The following VSTM4 variants were observed in gnomAD, a reference collection of about 807,000 sequenced individuals.
VSTM4 encodes the protein V-set and transmembrane domain-containing protein 4.
A neutral mutation model predicts 36.4 loss-of-function variants in VSTM4; 20 were observed. The observed-to-expected ratio is 0.55, with a 90% CI of 0.39 to 0.80. The LOEUF (loss-of-function observed/expected upper bound fraction) is 0.80. Ranked by LOEUF, VSTM4 falls within the 30% of genes least tolerant of loss-of-function variation. VSTM4 has a pLI of 0.00. For synonymous variants in VSTM4, 182 were observed against 173.9 expected, an observed-to-expected ratio of 1.05 and a Z score of -0.37; for missense variants, 392 against 404.5, an observed-to-expected ratio of 0.97 and a Z score of 0.26.
chr10:49,075,328 C>G (rs1844157576), intron 4 of VSTM4, among the ~76,000 whole-genome samples: 1 of 151,796 alleles, frequency 6.6e-6, no homozygotes, highest in South Asian at 2.1e-4. Flanking sequence ...GCCTTCAGAG[C>G]ATACCCAGCT....
intron 5 of VSTM4, among the ~76,000 whole-genome samples, chr10:49,049,861 G>A (rs1027030899): frequency 3.9e-5 from 6 of 152,238 alleles, no homozygotes; most frequent in African/African-American, 7.2e-5. Context: ...TGGCAGCAGC[G>A]TGATCTTTCC....
rs1268953723 is a variant in VSTM4, at chr10:49,019,488, CA to C, written c.*161del. ...GTGGCCCCGATTCTTTTGGGGAGAGCAGGCTTGTACCTCTTCAAAGGCACCC... is the reference window on the plus strand; with the variant it reads ...GTGGCCCCGATTCTTTTGGGGAGAGCGGCTTGTACCTCTTCAAAGGCACCC... On this transcript the variant is annotated 3_prime_UTR_variant, in exon 8 of 8. Transcript: ENST00000332853. 155 of 939,344 alleles carry C rather than the reference CA, an allele frequency of 1.7e-4. No individual in the cohort carries two copies. Among genetic ancestry groups the C allele is most frequent in the Non-Finnish European group, 2.1e-4 (142 of 691,678 alleles). 58.2% of individuals were successfully genotyped at this position (939,344 alleles called of 1,614,324 possible).
At chr10:49,105,681 A>G (rs1203895906) in intron 2 of VSTM4, among the ~76,000 whole-genome samples, 1 of 152,198 alleles carries the variant, frequency 6.6e-6, no homozygotes, top group East Asian at 1.9e-4. Flanking sequence ...CCAACAAGCT[A>G]AATGACTCTG....
chr10:49,019,531 G>A lies in VSTM4; in HGVS notation c.*119C>T, dbSNP rs1337662092. Reference sequence around the variant, plus strand: ...AAGGCACCCAGAATGCTGCTGAAAAGGGGCTCCCCACCACTCAGAAGGCAT... The same window carrying A: ...AAGGCACCCAGAATGCTGCTGAAAAAGGGCTCCCCACCACTCAGAAGGCAT... On this transcript the variant is annotated 3_prime_UTR_variant, in exon 8 of 8. Transcript: ENST00000332853. 7 of 1,384,968 alleles carry A rather than the reference G, an allele frequency of 5.1e-6. No individual in the cohort carries two copies. The highest frequency in any genetic ancestry group is 6.6e-6 in the Non-Finnish European group (7 of 1,058,058). The allele number at this position is 1,384,968 out of a possible 1,614,324, so 85.8% of individuals were successfully genotyped here.
chr10:49,111,445 G>A (rs1473423050), intron 1 of VSTM4, among the ~76,000 whole-genome samples: 4 of 152,148 alleles, frequency 2.6e-5, no homozygotes, highest in African/African-American at 9.7e-5. Context: ...GACAGTCCAT[G>A]CATGCCCAGC....
intron 7 of VSTM4, 137 bp from the exon 8 acceptor site, chr10:49,019,912 G>T: frequency 8.9e-7 from 1 of 1,117,440 alleles, no homozygotes; most frequent in Non-Finnish European, 1.2e-6. Context: ...AATTTAAGAG[G>T]CTACATAATA....
At chr10:49,113,332 C>A (rs1034247582) in intron 1 of VSTM4, among the ~76,000 whole-genome samples, 1 of 152,222 alleles carries the variant, frequency 6.6e-6, no homozygotes, top group African/African-American at 2.4e-5. Context: ...AGCCCATGGA[C>A]TGATTCACTC....
chr10:49,105,207 GAGAGAC>G (rs1183611352), intron 2 of VSTM4, among the ~76,000 whole-genome samples: 3 of 110,584 alleles, frequency 2.7e-5, no homozygotes, highest in East Asian at 2.1e-4. Context: ...GGGAGAGACA[GAGAGAC>G]AGAGAGAGAG....
chr10:49,087,001 C>T (rs1306872701), intron 2 of VSTM4, among the ~76,000 whole-genome samples: 1 of 152,204 alleles, frequency 6.6e-6, no homozygotes. Flanking sequence ...TGGCCTAGAA[C>T]TTAAATTCGA....
intron 5 of VSTM4, among the ~76,000 whole-genome samples, chr10:49,052,146 G>A (rs906791815): frequency 7.9e-5 from 12 of 152,118 alleles, no homozygotes; most frequent in Non-Finnish European, 1.8e-4. Flanking sequence ...GAATTACCAG[G>A]TCATGGAAAA....
At chr10:49,036,390 T>C (rs1267247006) in intron 7 of VSTM4, among the ~76,000 whole-genome samples, 1 of 152,228 alleles carries the variant, frequency 6.6e-6, no homozygotes, top group Non-Finnish European at 1.5e-5. Context: ...GGCAATATAT[T>C]GTACATGTGG....
chr10:49,093,493 A>ATG (rs1176241975), intron 2 of VSTM4, among the ~76,000 whole-genome samples: 5 of 152,200 alleles, frequency 3.3e-5, no homozygotes, highest in African/African-American at 1.2e-4. Flanking sequence ...AGAGCAGAAC[A>ATG]TGTGTAAGGA....
rs182103243 is a variant in VSTM4, at chr10:49,105,292, A to G, written c.457+2302T>C. On this transcript the variant is annotated intron_variant, in intron 2 of 7. Coordinates refer to ENST00000332853, the MANE Select transcript of VSTM4 (RefSeq NM_001031746.5). ...CAGAGAGACAGAGAGAGACGAAGAGACACAGAGGGAGGAAGAGACAGAGAA... is the reference window on the plus strand; with the variant it reads ...CAGAGAGACAGAGAGAGACGAAGAGGCACAGAGGGAGGAAGAGACAGAGAA... 2.7e-3 allele frequency among the ~76,000 whole-genome samples: 382 copies of G among 140,804 alleles called. 2 individuals are homozygous for G. The highest frequency in any genetic ancestry group is 9.2e-3 in the African/African-American group (348 of 37,876). The allele number at this position is 140,804 out of a possible 152,430, so 92.4% of individuals were successfully genotyped here.
chr10:49,094,202 C>G (rs938830098), intron 2 of VSTM4, among the ~76,000 whole-genome samples: 3 of 152,152 alleles, frequency 2.0e-5, no homozygotes, highest in Non-Finnish European at 4.4e-5. Context: ...TCCCCTGGAG[C>G]CTCAGAAGCA....
chr10:49,064,341 A>T (rs1843933449), intron 5 of VSTM4: 1 of 257,064 alleles, frequency 3.9e-6, no homozygotes, highest in Non-Finnish European at 7.4e-6. Flanking sequence ...GCATACAGTA[A>T]GTCAGCATTG....
At chr10:49,054,033 A>G (rs2131966590) in intron 5 of VSTM4, among the ~76,000 whole-genome samples, 1 of 152,248 alleles carries the variant, frequency 6.6e-6, no homozygotes, top group East Asian at 1.9e-4. Context: ...GGCACTGTGG[A>G]AAGAGCTTGG....
intron 4 of VSTM4, among the ~76,000 whole-genome samples, chr10:49,076,289 G>C (rs996647842): frequency 1.3e-5 from 2 of 152,238 alleles, no homozygotes; most frequent in African/African-American, 4.8e-5. Context: ...GCTGGAGCCT[G>C]TGTTACAGGT....
At chr10:49,081,740 T>C (rs1166436473) in intron 3 of VSTM4, among the ~76,000 whole-genome samples, 3 of 152,218 alleles carry the variant, frequency 2.0e-5, no homozygotes, top group Non-Finnish European at 2.9e-5. Flanking sequence ...CCTCCAGTTA[T>C]GGACACCAGC....
At chr10:49,115,381 G>T (rs2132035886) in intron 1 of VSTM4, 50 bp downstream of exon 1, 1 of 994,808 alleles carries the variant, frequency 1.0e-6, no homozygotes, top group Non-Finnish European at 1.2e-6. Flanking sequence ...CCCCGGCGCG[G>T]CCGCCCGGCC....
Sources: gnomAD v4.1 joint callset for allele counts (sites outside exome capture counted in the v4.1 genomes callset) on GRCh38, gnomAD v4.1.1 for gene constraint, MANE v1.5 for transcripts, NCBI Gene and HGNC (gene_info 2026-07-23, HGNC 2026-07-21) for gene names.